GNG2: variants seen among roughly 807,000 people sequenced by gnomAD.
GNG2 encodes guanine nucleotide-binding protein G(I)/G(S)/G(O) subunit gamma-2.
Under a neutral mutation model 5.5 loss-of-function variants are expected in GNG2, and 5 were observed. The ratio of observed to expected loss-of-function variants is 0.91; its 90% CI spans 0.48 to 1.92. The LOEUF is 1.92. Among genes scored for constraint, GNG2 ranks in the 30% most tolerant of loss-of-function variants. The pLI, the probability that GNG2 is intolerant of heterozygous loss-of-function variation, is 0.01. For synonymous variants in GNG2, 28 were observed against 32.0 expected, an observed-to-expected ratio of 0.88 and a Z score of 0.42; for missense variants, 55 against 88.4, an observed-to-expected ratio of 0.62 and a Z score of 1.52.
intron 2 of GNG2, among the ~76,000 whole-genome samples, chr14:51,849,227 C>T (rs867903495): frequency 1.3e-5 from 2 of 152,264 alleles, no homozygotes; most frequent in African/African-American, 4.8e-5. Flanking sequence ...CTCCCCACAT[C>T]GACCTCTCCA....
At chr14:51,944,769 A>C (rs1888544519) in intron 2 of GNG2, among the ~76,000 whole-genome samples, 1 of 152,234 alleles carries the variant, frequency 6.6e-6, no homozygotes, top group Non-Finnish European at 1.5e-5. Flanking sequence ...TGGGTAACAA[A>C]AGCAAAAATA....
chr14:51,898,811 C>T (rs1594891039), intron 2 of GNG2, among the ~76,000 whole-genome samples: 1 of 152,172 alleles, frequency 6.6e-6, no homozygotes, highest in East Asian at 1.9e-4. Context: ...CAGCTAGCTA[C>T]AGCACTTGGG....
chr14:51,868,044 A>G (rs1476382342), intron 1 of GNG2, among the ~76,000 whole-genome samples: 1 of 152,144 alleles, frequency 6.6e-6, no homozygotes, highest in Admixed American at 6.5e-5. Flanking sequence ...TTTTTGATGC[A>G]GAGTGGGCTA....
chr14:51,924,224 A>G (rs1210256153), intron 2 of GNG2, among the ~76,000 whole-genome samples: 1 of 152,226 alleles, frequency 6.6e-6, no homozygotes, highest in Non-Finnish European at 1.5e-5. Context: ...TAATCTGAAA[A>G]TAGGAATGAT....
rs58544362 is a variant in GNG2 at position 51,881,701 on chromosome 14, CTTTTTTTTTTT to C, written c.-30+4057_-30+4067del. On this transcript the variant is annotated intron_variant, in intron 2 of 3. Transcript: ENST00000556766. The stretch of plus-strand genomic sequence containing the variant: ...CATTTGACTTTTAGGAGCTGGAAGA[CTTTTTTTTTTT>C]TTTTTTTTTTTTAACGTATTTAATA... Among the ~76,000 whole-genome samples the C allele has an allele frequency of 1.8e-4, 19 of 104,222 alleles. No homozygotes were observed. In the South Asian group the frequency reaches 5.2e-3, roughly 29 times the overall value. 68.4% of individuals were successfully genotyped at this position (104,222 alleles called of 152,430 possible).
At chr14:51,892,966 C>T (rs1042087503) in intron 2 of GNG2, among the ~76,000 whole-genome samples, 2 of 152,190 alleles carry the variant, frequency 1.3e-5, no homozygotes, top group African/African-American at 4.8e-5. Flanking sequence ...TCACAGAATT[C>T]ACCTAGCTTG....
Position 51,883,023 on chromosome 14 carries a change from GAAAAA to G in GNG2, c.-30+5373_-30+5377del, listed in dbSNP as rs777193660. Among the ~76,000 whole-genome samples, 59 of 127,246 alleles carry G rather than the reference GAAAAA, an allele frequency of 4.6e-4. No homozygotes were observed. The East Asian group carries it at 0.011, about 23-fold the overall frequency. The allele number at this position is 127,246 out of a possible 152,430, so 83.5% of individuals were successfully genotyped here. On this transcript the variant is annotated intron_variant, in intron 2 of 3. Transcript: ENST00000556766. The stretch of plus-strand genomic sequence containing the variant: ...AGACTCCATCTCAAAAAAAAAAAAA[GAAAAA>G]AAAAAAGAAAAAAAAGAACAGTCCA...
At chr14:51,922,327 G>C (rs1270806847) in intron 2 of GNG2, among the ~76,000 whole-genome samples, 1 of 152,194 alleles carries the variant, frequency 6.6e-6, no homozygotes, top group Non-Finnish European at 1.5e-5. Flanking sequence ...AGGAGAAGAA[G>C]AAGACAAGAA....
intron 2 of GNG2, among the ~76,000 whole-genome samples, chr14:51,895,538 C>T (rs779465767): frequency 5.3e-5 from 8 of 152,090 alleles, no homozygotes; most frequent in Non-Finnish European, 8.8e-5. Context: ...GAAAAAAGGC[C>T]AGATAATATT....
At chr14:51,877,004 G>T (rs1159061345) in intron 1 of GNG2, among the ~76,000 whole-genome samples, 1 of 152,176 alleles carries the variant, frequency 6.6e-6, no homozygotes, top group Non-Finnish European at 1.5e-5. Flanking sequence ...CTCGGCACTG[G>T]ACAAACGTAG....
intron 3 of GNG2, among the ~76,000 whole-genome samples, chr14:51,962,969 C>A (rs1322045266): frequency 6.6e-6 from 1 of 152,216 alleles, no homozygotes; most frequent in East Asian, 1.9e-4. Flanking sequence ...GGGGCAAACA[C>A]TTAATGAAGC....
intron 3 of GNG2, among the ~76,000 whole-genome samples, chr14:51,963,403 T>G (rs550330435): frequency 1.0e-3 from 153 of 152,296 alleles, no homozygotes; most frequent in African/African-American, 3.5e-3. Context: ...ACAAATGAGT[T>G]TTAGATATCA....
At chr14:51,831,920 A>G (rs181616267) in intron 2 of GNG2, among the ~76,000 whole-genome samples, 1 of 152,360 alleles carries the variant, frequency 6.6e-6, no homozygotes, top group Admixed American at 6.5e-5. Context: ...TATTTTCAAA[A>G]TTTAAAAAGA....
chr14:51,955,931 T>C (rs534288350), intron 3 of GNG2, among the ~76,000 whole-genome samples: 1 of 152,164 alleles, frequency 6.6e-6, no homozygotes, highest in Non-Finnish European at 1.5e-5. Context: ...TAGATTGAAA[T>C]TGAACTTCAT....
intron 2 of GNG2, among the ~76,000 whole-genome samples, chr14:51,945,143 G>A (rs935620843): frequency 1.5e-4 from 19 of 125,114 alleles, no homozygotes; most frequent in Admixed American, 6.8e-4. Flanking sequence ...CAAAAAAAAC[G>A]GAAAATAACA....
At chr14:51,830,464 G>T (rs1476672404) in intron 2 of GNG2, among the ~76,000 whole-genome samples, 1 of 152,132 alleles carries the variant, frequency 6.6e-6, no homozygotes, top group African/African-American at 2.4e-5. Flanking sequence ...CCACTGGATG[G>T]TTCATATTTA....
chr14:51,909,596 G>C (rs1253691), intron 2 of GNG2, among the ~76,000 whole-genome samples: 76,722 of 151,952 alleles, frequency 0.5, 19,496 homozygotes, highest in East Asian at 0.69. Context: ...AACCATCAGG[G>C]ATTGCATAAA....
upstream of GNG2, among the ~76,000 whole-genome samples, chr14:51,860,110 G>T (rs1882359691): frequency 6.6e-6 from 1 of 152,030 alleles, no homozygotes; most frequent in Non-Finnish European, 1.5e-5. Context: ...CAAGCTGCAA[G>T]CTGCAAGCTC....
intron 2 of GNG2, among the ~76,000 whole-genome samples, chr14:51,853,639 T>A (rs1380908084): frequency 6.6e-6 from 1 of 152,262 alleles, no homozygotes; most frequent in African/African-American, 2.4e-5. Flanking sequence ...AAACTAAGTC[T>A]TGCCTTTCTG....
Sources: gnomAD v4.1 joint callset for allele counts (sites outside exome capture counted in the v4.1 genomes callset) on GRCh38, gnomAD v4.1.1 for gene constraint, MANE v1.5 for transcripts, NCBI Gene and HGNC (gene_info 2026-07-23, HGNC 2026-07-21) for gene names.